The following THSD7B variants were observed in gnomAD, a reference collection of about 807,000 sequenced individuals.
The protein encoded by THSD7B is thrombospondin type 1 domain containing 7B.
In THSD7B, 138 loss-of-function variants were observed where a neutral mutation model predicts 213.6. The ratio of observed to expected loss-of-function variants is 0.65; its 90% CI spans 0.56 to 0.74. The LOEUF is 0.74. THSD7B is among the 30% of genes least tolerant of loss of function. The pLI, the probability that THSD7B is intolerant of heterozygous loss-of-function variation, is 0.00. For synonymous variants in THSD7B, 742 were observed against 687.0 expected (o/e 1.08, Z -1.25); for missense variants, 1,931 against 1,991.5 (o/e 0.97, Z 0.58).
At chr2:137,569,593 G>A (rs1271294562) in intron 16 of THSD7B, among the ~76,000 whole-genome samples, 1 of 152,030 alleles carries the variant, frequency 6.6e-6, no homozygotes, top group African/African-American at 2.4e-5. Flanking sequence ...CATTTCCAGA[G>A]GTACTTGGTG....
chr2:137,376,692 T>A (rs192559007), intron 12 of THSD7B, among the ~76,000 whole-genome samples: 2 of 152,332 alleles, frequency 1.3e-5, no homozygotes, highest in Admixed American at 1.3e-4. Context: ...TCTAGCATAT[T>A]GCGTAGTTAT....
intron 5 of THSD7B, among the ~76,000 whole-genome samples, chr2:137,131,380 T>C (rs1300916045): frequency 6.6e-6 from 1 of 152,146 alleles, no homozygotes; most frequent in Admixed American, 6.6e-5. Flanking sequence ...GCTCTTTAGT[T>C]TAATTAGATC....
chr2:137,128,348 T>C (rs187469154), intron 5 of THSD7B, among the ~76,000 whole-genome samples: 2 of 152,324 alleles, frequency 1.3e-5, no homozygotes, highest in East Asian at 3.9e-4. Context: ...TTAAAGAAAT[T>C]GTATTTTGAG....
At chr2:137,265,243 G>A (rs1682560015) in intron 10 of THSD7B, among the ~76,000 whole-genome samples, 1 of 152,158 alleles carries the variant, frequency 6.6e-6, no homozygotes, top group Non-Finnish European at 1.5e-5. Flanking sequence ...TCAGAGAAAT[G>A]CAAATCAAAA....
chr2:137,302,327 A>G (rs1683626473), intron 12 of THSD7B, among the ~76,000 whole-genome samples: 1 of 152,172 alleles, frequency 6.6e-6, no homozygotes, highest in South Asian at 2.1e-4. Context: ...TGCATGGAGA[A>G]GACCCAGAGA....
intron 17 of THSD7B, among the ~76,000 whole-genome samples, chr2:137,581,019 C>T (rs1305504790): frequency 2.0e-5 from 3 of 152,280 alleles, no homozygotes; most frequent in African/African-American, 7.2e-5. Flanking sequence ...TATCCAAACT[C>T]TATCAACTGG....
intron 12 of THSD7B, among the ~76,000 whole-genome samples, chr2:137,325,017 C>G (rs1035414675): frequency 9.2e-5 from 14 of 152,164 alleles, no homozygotes; most frequent in African/African-American, 3.4e-4. Context: ...CGACAGATTT[C>G]CTTGTGGTTT....
chr2:137,191,795 A>G (rs1680664566), intron 7 of THSD7B, among the ~76,000 whole-genome samples: 1 of 152,114 alleles, frequency 6.6e-6, no homozygotes, highest in African/African-American at 2.4e-5. Flanking sequence ...GCAGCTGTGG[A>G]TCATATTATA....
chr2:136,848,076 T>C (rs1191155724), intron 1 of THSD7B, among the ~76,000 whole-genome samples: 1 of 152,152 alleles, frequency 6.6e-6, no homozygotes, highest in Non-Finnish European at 1.5e-5. Flanking sequence ...ACAGAGACCA[T>C]TATTTGTAGC....
At chr2:137,420,115 C>T (rs868331570) in intron 14 of THSD7B, among the ~76,000 whole-genome samples, 2 of 152,064 alleles carry the variant, frequency 1.3e-5, no homozygotes, top group African/African-American at 2.4e-5. Flanking sequence ...TCTGTTATTC[C>T]CTGTCTTTTA....
chr2:137,218,589 T>A (rs1344095018), intron 7 of THSD7B, among the ~76,000 whole-genome samples: 1 of 152,014 alleles, frequency 6.6e-6, no homozygotes, highest in East Asian at 1.9e-4. Flanking sequence ...ATATCAGTCT[T>A]AAGACAATAC....
At chr2:137,252,329 C>T (rs1267111213) in intron 10 of THSD7B, among the ~76,000 whole-genome samples, 2 of 144,462 alleles carry the variant, frequency 1.4e-5, no homozygotes, top group Non-Finnish European at 3.0e-5. Flanking sequence ...TATAACAGAT[C>T]TGGCAGATGT....
At chr2:137,624,694 T>C (rs966390077) in intron 20 of THSD7B, among the ~76,000 whole-genome samples, 5 of 152,294 alleles carry the variant, frequency 3.3e-5, no homozygotes, top group Non-Finnish European at 7.4e-5. Flanking sequence ...CAAAAGAAGA[T>C]ATTTATGCAG....
At chr2:137,493,961 A>G (rs1215901117) in intron 15 of THSD7B, among the ~76,000 whole-genome samples, 1 of 152,166 alleles carries the variant, frequency 6.6e-6, no homozygotes, top group Non-Finnish European at 1.5e-5. Context: ...CAGCTGCTTC[A>G]TAATTAAATT....
chr2:137,197,270 C>T lies in THSD7B; in HGVS notation c.1723+26332C>T, dbSNP rs931248216. Reference sequence around the variant, plus strand: ...TGTGAAGTTCCACTGCTTATGTACACAGCAGAGAGAGATGGAGGAAGGAAG... The same window carrying T: ...TGTGAAGTTCCACTGCTTATGTACATAGCAGAGAGAGATGGAGGAAGGAAG... On this transcript the variant is annotated intron_variant, in intron 7 of 27. Coordinates refer to ENST00000409968, the MANE Select transcript of THSD7B (RefSeq NM_001316349.2). Among the ~76,000 whole-genome samples the T allele has an allele frequency of 2.6e-5, 4 of 152,218 alleles. No homozygotes were observed. The East Asian group carries it at 7.7e-4, about 29-fold the overall frequency.
chr2:136,814,756 C>A (rs1281145862), intron 1 of THSD7B, among the ~76,000 whole-genome samples: 1 of 152,052 alleles, frequency 6.6e-6, no homozygotes, highest in Non-Finnish European at 1.5e-5. Context: ...ACACTTGGAT[C>A]TTTGTCTTCC....
At chr2:137,552,234 C>A (rs774159055) in intron 15 of THSD7B, among the ~76,000 whole-genome samples, 2 of 152,034 alleles carry the variant, frequency 1.3e-5, no homozygotes, top group Non-Finnish European at 2.9e-5. Context: ...CAGGCATCAT[C>A]TAATTTATAG....
intron 2 of THSD7B, among the ~76,000 whole-genome samples, chr2:137,019,666 T>TA (rs1308680442): frequency 6.6e-6 from 1 of 152,220 alleles, no homozygotes; most frequent in Non-Finnish European, 1.5e-5. Context: ...TGAAGACTTA[T>TA]AATTCTTTGT....
intron 18 of THSD7B, among the ~76,000 whole-genome samples, chr2:137,617,216 A>C (rs76264869): frequency 0.02 from 3,001 of 152,244 alleles, 44 homozygotes; most frequent in Middle Eastern, 0.072. Flanking sequence ...AATACAATAA[A>C]ACTTGCTTTA....
Sources: gnomAD v4.1 joint callset for allele counts (sites outside exome capture counted in the v4.1 genomes callset) on GRCh38, gnomAD v4.1.1 for gene constraint, MANE v1.5 for transcripts, NCBI Gene and HGNC (gene_info 2026-07-23, HGNC 2026-07-21) for gene names.